The following DYNC2LI1 variants were observed in gnomAD, a reference collection of about 807,000 sequenced individuals.
DYNC2LI1 encodes the protein dynein cytoplasmic 2 light intermediate chain 1, also known as cytoplasmic dynein 2 light intermediate chain 1.
DYNC2LI1 carries 45 observed loss-of-function variants against 51.9 expected under a neutral mutation model. The observed-to-expected ratio is 0.87, with a 90% CI of 0.68 to 1.11. The LOEUF (loss-of-function observed/expected upper bound fraction) is 1.11, where lower values mean the gene tolerates loss of function less well. Among genes scored for constraint, DYNC2LI1 ranks in the 50% most tolerant of loss-of-function variants. The pLI is 0.00. For missense variants in DYNC2LI1, 490 were observed against 417.4 expected, an observed-to-expected ratio of 1.17 and a Z score of -1.51; for synonymous variants, 130 against 137.8, an observed-to-expected ratio of 0.94 and a Z score of 0.40.
At chr2:43,785,743 A>T (rs1256027821) in intron 3 of DYNC2LI1, among the ~76,000 whole-genome samples, 1 of 151,748 alleles carries the variant, frequency 6.6e-6, no homozygotes. Flanking sequence ...ATATAGTATG[A>T]TTCCACTTAT....
chr2:43,824,129 A>G, the DYNC2LI1 span: 2 of 1,614,184 alleles, frequency 1.2e-6, no homozygotes, highest in Non-Finnish European at 1.7e-6. Flanking sequence ...CTGAAAACAA[A>G]CAACCCTGTT....
chr2:43,809,043 C>T (rs1393501536), intron 12 of DYNC2LI1, among the ~76,000 whole-genome samples: 1 of 151,988 alleles, frequency 6.6e-6, no homozygotes, highest in African/African-American at 2.4e-5. Flanking sequence ...GGCTGGAGTG[C>T]AGTGGCGCAA....
chr2:43,802,586 G>A (rs779572173), intron 10 of DYNC2LI1, among the ~76,000 whole-genome samples: 1 of 152,124 alleles, frequency 6.6e-6, no homozygotes, highest in African/African-American at 2.4e-5. Flanking sequence ...AATCACTGTT[G>A]TACTGATAGA....
chr2:43,776,509 A>G (rs887234129), intron 1 of DYNC2LI1, among the ~76,000 whole-genome samples: 7 of 152,222 alleles, frequency 4.6e-5, no homozygotes, highest in African/African-American at 1.7e-4. Context: ...TATGAACCGT[A>G]GGGGAAGACC....
chr2:43,789,089 G>T (rs1673655156), intron 4 of DYNC2LI1, among the ~76,000 whole-genome samples: 1 of 152,166 alleles, frequency 6.6e-6, no homozygotes, highest in Non-Finnish European at 1.5e-5. Flanking sequence ...TTCTCCACAG[G>T]AATCAGGAAC....
At chr2:43,823,467 C>T in the DYNC2LI1 span, among the ~76,000 whole-genome samples, 14 of 152,262 alleles carry the variant, frequency 9.2e-5, no homozygotes, top group Non-Finnish European at 1.5e-4. Context: ...CACCTGCTTC[C>T]TGCAACGTTA....
At chr2:43,822,582 T>G in the DYNC2LI1 span, 1 of 985,020 alleles carries the variant, frequency 1.0e-6, no homozygotes, top group East Asian at 1.1e-4. Flanking sequence ...ACATGTCATC[T>G]TGTTGGTTTG....
chr2:43,817,865 G>A, the DYNC2LI1 span, among the ~76,000 whole-genome samples: 2 of 151,996 alleles, frequency 1.3e-5, no homozygotes, highest in Admixed American at 6.6e-5. Context: ...AGCCGAGATC[G>A]CGCCACTGCA....
chr2:43,824,862 GA>G, the DYNC2LI1 span: 3 of 1,612,776 alleles, frequency 1.9e-6, no homozygotes, highest in Non-Finnish European at 2.5e-6. Context: ...AAACATTCAT[GA>G]TGGGGAATGT....
At chr2:43,825,890 C>T in the DYNC2LI1 span, among the ~76,000 whole-genome samples, 2 of 152,168 alleles carry the variant, frequency 1.3e-5, no homozygotes, top group Non-Finnish European at 2.9e-5. Context: ...GTATTTGGAA[C>T]ATGGTAGGTG....
chr2:43,776,166 C>T (rs1197876089), intron 1 of DYNC2LI1, among the ~76,000 whole-genome samples: 1 of 152,012 alleles, frequency 6.6e-6, no homozygotes. Flanking sequence ...GGTATTTCTC[C>T]TAATGCTATC....
At chr2:43,789,093 C>T (rs1050367130) in intron 4 of DYNC2LI1, among the ~76,000 whole-genome samples, 2 of 152,208 alleles carry the variant, frequency 1.3e-5, no homozygotes, top group Non-Finnish European at 2.9e-5. Flanking sequence ...CCACAGGAAT[C>T]AGGAACAAAT....
intron 12 of DYNC2LI1, among the ~76,000 whole-genome samples, chr2:43,807,639 C>T (rs1427525431): frequency 6.8e-6 from 1 of 148,020 alleles, no homozygotes; most frequent in Non-Finnish European, 1.5e-5. Context: ...GGCTGGTCTT[C>T]AACTCCTCGC....
chr2:43,812,849 A>T (rs1373233710), downstream of DYNC2LI1: 2 of 469,178 alleles, frequency 4.3e-6, no homozygotes, highest in African/African-American at 3.9e-5. Context: ...CCATAGGTTT[A>T]TGAATATTAT....
At chr2:43,813,386 T>G (rs1666587644), downstream of DYNC2LI1, 2 of 1,012,160 alleles carry the variant, frequency 2.0e-6, no homozygotes, top group East Asian at 2.5e-5. Flanking sequence ...ACCAAGCGCT[T>G]GCTAAGTACC....
chr2:43,776,176 C>T (rs1673010845), intron 1 of DYNC2LI1, among the ~76,000 whole-genome samples: 1 of 152,018 alleles, frequency 6.6e-6, no homozygotes, highest in Non-Finnish European at 1.5e-5. Flanking sequence ...CTAATGCTAT[C>T]CCTCCCCCAT....
chr2:43,782,547 TAAAAAA>T, intron 2 of DYNC2LI1, among the ~76,000 whole-genome samples: 1 of 127,426 alleles, frequency 7.8e-6, no homozygotes, highest in African/African-American at 2.9e-5. Context: ...GTCTTTTCTT[TAAAAAA>T]AAAAAAAAAA....
chr2:43,775,252 A>G (rs1558657600), intron 1 of DYNC2LI1, among the ~76,000 whole-genome samples: 1 of 152,180 alleles, frequency 6.6e-6, no homozygotes, highest in African/African-American at 2.4e-5. Context: ...TAAAGGAATG[A>G]AGGATTTAAA....
intron 12 of DYNC2LI1, among the ~76,000 whole-genome samples, chr2:43,805,801 T>C (rs1055844193): frequency 6.6e-6 from 1 of 152,204 alleles, no homozygotes; most frequent in East Asian, 1.9e-4. Flanking sequence ...ATAGCCCCAT[T>C]TGAACACACA....
Sources: gnomAD v4.1 joint callset for allele counts (sites outside exome capture counted in the v4.1 genomes callset) on GRCh38, gnomAD v4.1.1 for gene constraint, MANE v1.5 for transcripts, NCBI Gene and HGNC (gene_info 2026-07-23, HGNC 2026-07-21) for gene names.